CACNG2: variants seen among roughly 807,000 people sequenced by gnomAD.
The protein encoded by CACNG2 is voltage-dependent calcium channel gamma-2 subunit.
A neutral mutation model predicts 25.9 loss-of-function variants in CACNG2; 3 were observed. That is an observed-to-expected ratio of 0.12 (90% confidence interval 0.05 to 0.30). CACNG2 has a LOEUF of 0.30. CACNG2 is among the 10% of genes least tolerant of loss of function. The pLI, the probability that CACNG2 is intolerant of heterozygous loss-of-function variation, is 1.00. For missense variants in CACNG2, 341 were observed against 432.5 expected, an observed-to-expected ratio of 0.79 and a Z score of 1.88; for synonymous variants, 167 against 173.3, an observed-to-expected ratio of 0.96 and a Z score of 0.29.
At chr22:36,600,171 G>A (rs752295894) in intron 1 of CACNG2, among the ~76,000 whole-genome samples, 1 of 152,346 alleles carries the variant, frequency 6.6e-6, no homozygotes, top group Admixed American at 6.5e-5. Flanking sequence ...CTCCCATGGA[G>A]TGTTATACCA....
intron 1 of CACNG2, among the ~76,000 whole-genome samples, chr22:36,664,565 G>A (rs1936847091): frequency 6.6e-6 from 1 of 152,176 alleles, no homozygotes; most frequent in East Asian, 1.9e-4. Flanking sequence ...AGATCAACCT[G>A]TCCAAGACCT....
intron 1 of CACNG2, among the ~76,000 whole-genome samples, chr22:36,601,592 C>G (rs1195370863): frequency 4.6e-5 from 7 of 152,106 alleles, no homozygotes; most frequent in Admixed American, 3.9e-4. Flanking sequence ...CTCCTGGGTT[C>G]AAGCGATTCT....
intron 2 of CACNG2, among the ~76,000 whole-genome samples, chr22:36,587,247 G>A (rs769366643): frequency 2.0e-5 from 3 of 152,184 alleles, no homozygotes; most frequent in Admixed American, 6.5e-5. Context: ...GGTCGACTGA[G>A]TAGGAGTTTG....
Position 36,564,948 on chromosome 22 carries a change from T to G in CACNG2, c.437-62A>C. The G allele has an allele frequency of 6.7e-7, 1 of 1,503,126 alleles. No individual in the cohort carries two copies. The highest frequency in any genetic ancestry group is 9.1e-7 in the Non-Finnish European group (1 of 1,093,068). The allele number at this position is 1,503,126 out of a possible 1,614,324, so 93.1% of individuals were successfully genotyped here. On this transcript the variant is annotated intron_variant, in intron 3 of 3. Transcript: ENST00000300105. This position sits in a 1 kb window ranked among gnomAD's most constrained non-coding sequence, Gnocchi z 6.7. ...AGAAGGACGTTAGTTTCTCAGGAAG[T>G]CGGCCACAGGGCAGCCGTAAAGGAC...
chr22:36,684,638 A>G (rs1363337545), intron 1 of CACNG2, among the ~76,000 whole-genome samples: 1 of 150,178 alleles, frequency 6.7e-6, no homozygotes. Flanking sequence ...AAAACAAAGT[A>G]AAAAAAGATA....
At chr22:36,690,988 T>C (rs899545353) in intron 1 of CACNG2, among the ~76,000 whole-genome samples, 1 of 126,518 alleles carries the variant, frequency 7.9e-6, no homozygotes, top group African/African-American at 2.5e-5. Context: ...CTCCCATACC[T>C]TGTTCTCCCG....
chr22:36,645,018 T>C (rs1195923282), intron 1 of CACNG2, among the ~76,000 whole-genome samples: 3 of 152,222 alleles, frequency 2.0e-5, no homozygotes, highest in African/African-American at 7.2e-5. Context: ...GACCAAAGCC[T>C]GCACCACATC....
At position 36,606,272 on chromosome 22, in the gene CACNG2, C is replaced by T. The variant is rs899625889; in HGVS notation, c.212-18724G>A. Among the ~76,000 whole-genome samples the T allele has an allele frequency of 4.6e-5, 7 of 152,166 alleles. No homozygotes were observed. In the South Asian group the frequency reaches 8.3e-4, roughly 18 times the overall value. On this transcript the variant is annotated intron_variant, in intron 1 of 3. Transcript: ENST00000300105. This position sits in a 1 kb window ranked among gnomAD's most constrained non-coding sequence, Gnocchi z 5.7. ...ACCCAGAATGAAACCACAAGGGCAG[C>T]GAGGGCGTTGGCTGGTCGCCGGGAA...
intron 1 of CACNG2, among the ~76,000 whole-genome samples, chr22:36,694,527 A>G (rs955930268): frequency 6.6e-6 from 1 of 152,208 alleles, no homozygotes; most frequent in Non-Finnish European, 1.5e-5. Flanking sequence ...GCCTCATTCA[A>G]ATTGCAGCTG....
Position 36,601,939 on chromosome 22 carries a change from C to T in CACNG2, c.212-14391G>A, listed in dbSNP as rs368910313. On this transcript the variant is annotated intron_variant, in intron 1 of 3. Coordinates refer to ENST00000300105, the MANE Select transcript of CACNG2 (RefSeq NM_006078.5). ...GGCATCAACCTACATTCCCACCTAA[C>T]AGTGTGCGAGGATTCCCTTTTCTCC... Among the ~76,000 whole-genome samples, 454 of 152,254 alleles carry T rather than the reference C, an allele frequency of 3.0e-3. 6 individuals are homozygous for T. Among genetic ancestry groups the T allele is most frequent in the Non-Finnish European group, 3.1e-3 (212 of 68,022 alleles).
At chr22:36,567,301 C>A (rs867170939) in intron 2 of CACNG2, among the ~76,000 whole-genome samples, 1 of 152,166 alleles carries the variant, frequency 6.6e-6, no homozygotes, top group Admixed American at 6.5e-5. Flanking sequence ...TATGCTTCCA[C>A]CATGAACCAT....
intron 1 of CACNG2, among the ~76,000 whole-genome samples, chr22:36,631,010 T>C (rs1936260610): frequency 6.6e-6 from 1 of 152,150 alleles, no homozygotes; most frequent in Non-Finnish European, 1.5e-5. Context: ...TTTGTATTTT[T>C]AGTAGAGACG....
rs1935060770 is a variant in CACNG2 at position 36,563,324 on chromosome 22, C to A, written c.*1027G>T. ...CATCGCCCCAGGGTCATCAGGTGGC[C>A]CTGAGGTGAGGGGTGAGGAGGGAGA... On this transcript the variant is annotated 3_prime_UTR_variant, in exon 4 of 4. Transcript: ENST00000300105. 6.6e-6 allele frequency among the ~76,000 whole-genome samples: 1 copy of A among 151,170 alleles called. No homozygotes were observed. Among genetic ancestry groups the A allele is most frequent in the Non-Finnish European group, 1.5e-5 (1 of 67,818 alleles).
chr22:36,629,440 G>A (rs1936234425), intron 1 of CACNG2, among the ~76,000 whole-genome samples: 1 of 152,080 alleles, frequency 6.6e-6, no homozygotes, highest in African/African-American at 2.4e-5. Context: ...TACATACAGT[G>A]AGCAGTAAAT....
intron 1 of CACNG2, among the ~76,000 whole-genome samples, chr22:36,605,853 T>C (rs1935823445): frequency 6.6e-6 from 1 of 152,158 alleles, no homozygotes. Flanking sequence ...CAAGGAGCTA[T>C]GGGAACCGCA....
intron 1 of CACNG2, among the ~76,000 whole-genome samples, chr22:36,629,630 G>A (rs565935665): frequency 1.9e-3 from 285 of 152,024 alleles, no homozygotes; most frequent in Non-Finnish European, 3.3e-3. Context: ...CAGGTAAAGG[G>A]GGCCAGGTGA....
At chr22:36,676,212 T>C (rs1251498677) in intron 1 of CACNG2, among the ~76,000 whole-genome samples, 2 of 152,246 alleles carry the variant, frequency 1.3e-5, no homozygotes, top group Non-Finnish European at 2.9e-5. Context: ...GATCTTGCTC[T>C]CTCTGTAGCT....
At chr22:36,619,848 T>C (rs531477479) in intron 1 of CACNG2, among the ~76,000 whole-genome samples, 1 of 152,374 alleles carries the variant, frequency 6.6e-6, no homozygotes, top group South Asian at 2.1e-4. Flanking sequence ...TCGATTGTTG[T>C]CACTTGAAAT....
At chr22:36,668,498 T>C (rs1296136205) in intron 1 of CACNG2, among the ~76,000 whole-genome samples, 1 of 151,872 alleles carries the variant, frequency 6.6e-6, no homozygotes, top group Non-Finnish European at 1.5e-5. Flanking sequence ...GTGAATTTTT[T>C]TTTTTTTTGA....
Sources: gnomAD v4.1 joint callset for allele counts (sites outside exome capture counted in the v4.1 genomes callset) on GRCh38, gnomAD v4.1.1 for gene constraint, Gnocchi (gnomAD v3.1) non-coding constraint, MANE v1.5 for transcripts, NCBI Gene and HGNC (gene_info 2026-07-23, HGNC 2026-07-21) for gene names.